Variants in NTM observed in about 807,000 individuals in gnomAD.
NTM encodes the protein IgLON family member 2.
In NTM, 13 loss-of-function variants were observed where a neutral mutation model predicts 42.1. The observed-to-expected ratio is 0.31, with a 90% CI of 0.20 to 0.49. The LOEUF is 0.49. Ranked by LOEUF, NTM falls within the 20% of genes least tolerant of loss-of-function variation. NTM has a pLI of 0.99. For synonymous variants in NTM, 187 were observed against 179.2 expected, an observed-to-expected ratio of 1.04 and a Z score of -0.35; for missense variants, 373 against 452.8, an observed-to-expected ratio of 0.82 and a Z score of 1.60.
Position 132,232,092 on chromosome 11 carries a change from G to A in NTM, c.526+19945G>A, listed in dbSNP as rs577761281. ...AAGGGAATTAAAAACTTCACGTTGC[G>A]TTGTTGTCACTCTACCTGCGTCTCG... On this transcript the variant is annotated intron_variant, in intron 4 of 8. Transcript: ENST00000683400. Among the ~76,000 whole-genome samples, 13 of 152,318 alleles carry A rather than the reference G, an allele frequency of 8.5e-5. No individual in the cohort carries two copies. The East Asian group carries it at 2.1e-3, about 25-fold the overall frequency.
chr11:131,435,170 C>G (rs889789467), intron 1 of NTM, among the ~76,000 whole-genome samples: 5 of 152,084 alleles, frequency 3.3e-5, no homozygotes, highest in Non-Finnish European at 7.4e-5. Flanking sequence ...GGTACCAGTA[C>G]CATGCTGTTT....
At position 131,759,111 on chromosome 11, in the gene NTM, C is replaced by T. The variant is rs540900693; in HGVS notation, c.83-152453C>T. 2.0e-5 allele frequency among the ~76,000 whole-genome samples: 3 copies of T among 152,180 alleles called. No individual in the cohort carries two copies. The South Asian group carries it at 6.2e-4, about 32-fold the overall frequency. ...ATTAAATTCTTTGAAAACCTTCACACCTTTATGATTCCACTTAGAACATGC... is the reference window on the plus strand; with the variant it reads ...ATTAAATTCTTTGAAAACCTTCACATCTTTATGATTCCACTTAGAACATGC... On this transcript the variant is annotated intron_variant, in intron 1 of 8. Coordinates refer to ENST00000683400, the MANE Select transcript of NTM (RefSeq NM_001352005.2).
intron 1 of NTM, among the ~76,000 whole-genome samples, chr11:131,567,194 TA>T (rs547260879): frequency 9.9e-5 from 15 of 151,636 alleles, no homozygotes; most frequent in African/African-American, 2.7e-4. Context: ...GTGGGAAACC[TA>T]AAAAAACCCT....
At chr11:131,904,799 C>T (rs987012306) in intron 1 of NTM, among the ~76,000 whole-genome samples, 1 of 152,292 alleles carries the variant, frequency 6.6e-6, no homozygotes, top group African/African-American at 2.4e-5. Flanking sequence ...TTTGCAAGCA[C>T]AGGCTGTTTC....
chr11:131,499,236 C>A (rs991712342), intron 1 of NTM, among the ~76,000 whole-genome samples: 1 of 152,128 alleles, frequency 6.6e-6, no homozygotes, highest in African/African-American at 2.4e-5. Flanking sequence ...TTCTTGAGAT[C>A]CATGCAGTAG....
chr11:131,916,885 G>A (rs77055553), intron 2 of NTM, among the ~76,000 whole-genome samples: 3,140 of 152,196 alleles, frequency 0.021, 108 homozygotes, highest in African/African-American at 0.069. Flanking sequence ...CTTGTGGTCC[G>A]CCCTGCTGGG....
At chr11:131,737,123 A>G (rs1277176388) in intron 1 of NTM, among the ~76,000 whole-genome samples, 1 of 152,308 alleles carries the variant, frequency 6.6e-6, no homozygotes, top group Non-Finnish European at 1.5e-5. Context: ...GGGAATGGAC[A>G]GTTACTGGGT....
chr11:132,290,552 A>T (rs886576298), intron 4 of NTM, among the ~76,000 whole-genome samples: 1 of 152,208 alleles, frequency 6.6e-6, no homozygotes, highest in Admixed American at 6.5e-5. Flanking sequence ...CTAGTAAATT[A>T]TAAATTTATT....
At chr11:131,647,113 C>T (rs865802151) in intron 1 of NTM, among the ~76,000 whole-genome samples, 5 of 152,198 alleles carry the variant, frequency 3.3e-5, no homozygotes, top group South Asian at 2.1e-4. Context: ...AAATCCCACA[C>T]GTTTTCTCAG....
chr11:131,851,530 G>GGC (rs373506319), intron 1 of NTM, among the ~76,000 whole-genome samples: 3,677 of 69,944 alleles, frequency 0.053, 91 homozygotes, highest in Non-Finnish European at 0.063. Flanking sequence ...TGGTGAGAAT[G>GGC]GCGTGTGTGT....
intron 1 of NTM, chr11:131,911,357 C>T: frequency 2.0e-6 from 3 of 1,530,130 alleles, no homozygotes; most frequent in Non-Finnish European, 2.6e-6. Context: ...CCCCGCGCCT[C>T]CCGGTCGCCG....
At chr11:131,797,257 G>C (rs1565564130) in intron 1 of NTM, among the ~76,000 whole-genome samples, 1 of 152,086 alleles carries the variant, frequency 6.6e-6, no homozygotes, top group East Asian at 1.9e-4. Context: ...ACAGTGAAAG[G>C]CAGATTGACA....
intron 5 of NTM, among the ~76,000 whole-genome samples, chr11:132,308,843 G>A (rs1219804516): frequency 2.6e-5 from 4 of 152,082 alleles, no homozygotes; most frequent in Non-Finnish European, 5.9e-5. Flanking sequence ...AGTTTATAAA[G>A]ATGAACTTAA....
At chr11:131,705,718 A>G (rs1030284110) in intron 1 of NTM, among the ~76,000 whole-genome samples, 7 of 152,148 alleles carry the variant, frequency 4.6e-5, no homozygotes, top group Non-Finnish European at 1.0e-4. Context: ...TGGGAAGAAG[A>G]GAAGTTAAAG....
chr11:131,452,690 C>A (rs1224431610), intron 1 of NTM, among the ~76,000 whole-genome samples: 1 of 152,172 alleles, frequency 6.6e-6, no homozygotes, highest in Non-Finnish European at 1.5e-5. Flanking sequence ...TTTCCCAAGA[C>A]TCCACAACTA....
chr11:131,704,186 T>C (rs1256512069), intron 1 of NTM, among the ~76,000 whole-genome samples: 1 of 152,104 alleles, frequency 6.6e-6, no homozygotes, highest in Non-Finnish European at 1.5e-5. Flanking sequence ...TTCATCTCCA[T>C]AGACCCAGTC....
chr11:131,469,944 A>G (rs1952274193), intron 1 of NTM, among the ~76,000 whole-genome samples: 1 of 152,238 alleles, frequency 6.6e-6, no homozygotes, highest in South Asian at 2.1e-4. Context: ...TGGAAATCCT[A>G]TGAATCTGGT....
intron 1 of NTM, among the ~76,000 whole-genome samples, chr11:131,663,889 G>A (rs530272887): frequency 2.0e-5 from 3 of 152,314 alleles, no homozygotes; most frequent in East Asian, 1.9e-4. Flanking sequence ...GGCTTAAAGC[G>A]ATGAGATAAT....
intron 4 of NTM, among the ~76,000 whole-genome samples, chr11:132,292,252 A>G (rs1266725197): frequency 6.6e-6 from 1 of 152,214 alleles, no homozygotes; most frequent in Non-Finnish European, 1.5e-5. Context: ...GAAGGGGTTG[A>G]GGATATTTCC....
Sources: gnomAD v4.1 joint callset for allele counts (sites outside exome capture counted in the v4.1 genomes callset) on GRCh38, gnomAD v4.1.1 for gene constraint, MANE v1.5 for transcripts, NCBI Gene and HGNC (gene_info 2026-07-23, HGNC 2026-07-21) for gene names.